The following CSMD1 variants were observed in gnomAD, a reference collection of about 807,000 sequenced individuals.
CSMD1 encodes CUB and sushi domain-containing protein 1.
Under a neutral mutation model 417.5 loss-of-function variants are expected in CSMD1, and 213 were observed. The ratio of observed to expected loss-of-function variants is 0.51; its 90% CI spans 0.46 to 0.57. The LOEUF is 0.57. Among genes scored for constraint, CSMD1 ranks in the 20% least tolerant of loss-of-function variants. The probability of loss-of-function intolerance (pLI) is 0.00; values close to 1 mark genes in which losing one functional copy is unlikely to be tolerated. For missense variants in CSMD1, 6,923 were observed against 4,529.7 expected, an observed-to-expected ratio of 1.53 and a Z score of -15.17; for synonymous variants, 2,862 against 1,736.8, an observed-to-expected ratio of 1.65 and a Z score of -16.11.
intron 3 of CSMD1, among the ~76,000 whole-genome samples, chr8:4,056,078 CTTTTTT>C (rs58415435): frequency 1.0e-5 from 1 of 97,842 alleles, no homozygotes; most frequent in South Asian, 3.8e-4. Flanking sequence ...TGGTGGCTTC[CTTTTTT>C]TTTTTTTTTT....
At chr8:4,690,049 G>C (rs1166604027) in intron 1 of CSMD1, among the ~76,000 whole-genome samples, 1 of 152,190 alleles carries the variant, frequency 6.6e-6, no homozygotes, top group African/African-American at 2.4e-5. Flanking sequence ...TGGGTTTGAA[G>C]CATTGGTAAC....
At chr8:3,768,839 T>G (rs976448450) in intron 5 of CSMD1, among the ~76,000 whole-genome samples, 1 of 152,168 alleles carries the variant, frequency 6.6e-6, no homozygotes, top group Non-Finnish European at 1.5e-5. Context: ...GTGGATAGTC[T>G]AAAAGAAAAA....
chr8:3,787,822 A>G (rs1477394060), intron 5 of CSMD1, among the ~76,000 whole-genome samples: 4 of 152,258 alleles, frequency 2.6e-5, no homozygotes, highest in East Asian at 1.9e-4. Context: ...GGAATAAGAA[A>G]TCAGTGTCCT....
intron 5 of CSMD1, among the ~76,000 whole-genome samples, chr8:3,849,901 C>G (rs917269623): frequency 3.3e-5 from 5 of 152,118 alleles, no homozygotes; most frequent in African/African-American, 9.7e-5. Context: ...CTGCAACCTC[C>G]ACCTCCCAGT....
intron 1 of CSMD1, among the ~76,000 whole-genome samples, chr8:4,845,461 C>T (rs1261059655): frequency 2.6e-5 from 4 of 152,206 alleles, no homozygotes; most frequent in Non-Finnish European, 5.9e-5. Flanking sequence ...TCTTCAAGTG[C>T]AATCAGCAAA....
chr8:3,032,672 A>C (rs10109531), intron 50 of CSMD1, among the ~76,000 whole-genome samples: 5,174 of 152,048 alleles, frequency 0.034, 304 homozygotes, highest in African/African-American at 0.12. Context: ...GCCTGAAAAC[A>C]GTGTCTTCCT....
chr8:3,984,877 A>G (rs1180779894), intron 5 of CSMD1, among the ~76,000 whole-genome samples: 1 of 151,654 alleles, frequency 6.6e-6, no homozygotes, highest in Non-Finnish European at 1.5e-5. Context: ...GAAAGTTTGA[A>G]TCTATGTCCA....
chr8:4,978,273 A>C (rs1584945444), intron 1 of CSMD1, among the ~76,000 whole-genome samples: 1 of 152,268 alleles, frequency 6.6e-6, no homozygotes, highest in Non-Finnish European at 1.5e-5. Context: ...AGGCAGGTGG[A>C]GGTATAGCAG....
rs182316976 is a variant in CSMD1 at position 3,273,778 on chromosome 8, A to T, written c.4153+10366T>A. On this transcript the variant is annotated intron_variant, in intron 26 of 69. Transcript: ENST00000635120. ...GTATTTCTGTGGGATTGGTGGTGAT[A>T]TCCCCTTTATCATTTTTATTGTATC... 1.3e-3 allele frequency among the ~76,000 whole-genome samples: 186 copies of T among 139,790 alleles called. 1 individual carries two copies. Among genetic ancestry groups the T allele is most frequent in the African/African-American group, 5.0e-3 (182 of 36,474 alleles). 91.7% of individuals were successfully genotyped at this position (139,790 alleles called of 152,430 possible). A position where few individuals can be genotyped will look rare whatever the true frequency, so the allele number is the denominator to read the frequency against.
At chr8:4,406,258 C>T (rs1042091411) in intron 3 of CSMD1, among the ~76,000 whole-genome samples, 5 of 152,250 alleles carry the variant, frequency 3.3e-5, no homozygotes, top group African/African-American at 7.2e-5. Context: ...TCTCCTGGTG[C>T]ATTTGCCCTC....
At chr8:4,905,659 ACT>A (rs1346347620) in intron 1 of CSMD1, among the ~76,000 whole-genome samples, 1 of 151,334 alleles carries the variant, frequency 6.6e-6, no homozygotes, top group African/African-American at 2.4e-5. Flanking sequence ...CTCTACTAAA[ACT>A]ACAAAAAAAT....
chr8:3,337,360 A>T (rs1373731227), intron 23 of CSMD1, among the ~76,000 whole-genome samples: 1 of 152,218 alleles, frequency 6.6e-6, no homozygotes, highest in Non-Finnish European at 1.5e-5. Flanking sequence ...CATCCCTTAG[A>T]AGCAAGCCAG....
At chr8:3,473,662 G>A (rs944153152) in intron 11 of CSMD1, among the ~76,000 whole-genome samples, 7 of 152,100 alleles carry the variant, frequency 4.6e-5, no homozygotes, top group African/African-American at 1.7e-4. Flanking sequence ...AAATACAGTA[G>A]GTGCTCAAAT....
intron 10 of CSMD1, among the ~76,000 whole-genome samples, chr8:3,524,997 A>G (rs1409870187): frequency 2.0e-5 from 3 of 152,232 alleles, no homozygotes; most frequent in Non-Finnish European, 4.4e-5. Context: ...ATGATAATGT[A>G]TGTATCATCA....
intron 18 of CSMD1, among the ~76,000 whole-genome samples, chr8:3,377,506 C>G (rs1292652335): frequency 1.3e-5 from 2 of 152,192 alleles, no homozygotes; most frequent in Non-Finnish European, 2.9e-5. Context: ...ACCCATATAA[C>G]TGGCATCCCT....
chr8:3,434,832 T>A (rs965665040), intron 12 of CSMD1, among the ~76,000 whole-genome samples: 1 of 152,218 alleles, frequency 6.6e-6, no homozygotes, highest in African/African-American at 2.4e-5. Flanking sequence ...GTCAGAGTGC[T>A]GGCAGGAAGT....
chr8:3,359,554 A>T (rs1164920964), intron 20 of CSMD1, among the ~76,000 whole-genome samples: 21 of 135,676 alleles, frequency 1.5e-4, no homozygotes, highest in Admixed American at 1.4e-4. Context: ...TTTTTTTTTT[A>T]AGAATTGACA....
intron 1 of CSMD1, among the ~76,000 whole-genome samples, chr8:4,728,191 T>C (rs1416550945): frequency 6.8e-6 from 1 of 147,558 alleles, no homozygotes; most frequent in Non-Finnish European, 1.5e-5. Flanking sequence ...ATTTATATAT[T>C]CGTATATTTA....
chr8:3,845,986 C>G (rs917895144), intron 5 of CSMD1, among the ~76,000 whole-genome samples: 4 of 151,814 alleles, frequency 2.6e-5, no homozygotes, highest in African/African-American at 9.7e-5. Flanking sequence ...CCCATGGAGC[C>G]GTCACCTCCT....
Sources: gnomAD v4.1 joint callset for allele counts (sites outside exome capture counted in the v4.1 genomes callset) on GRCh38, gnomAD v4.1.1 for gene constraint, MANE v1.5 for transcripts, NCBI Gene and HGNC (gene_info 2026-07-23, HGNC 2026-07-21) for gene names.